The following PTPRD variants were observed in gnomAD, a reference collection of about 807,000 sequenced individuals.
PTPRD encodes receptor-type tyrosine-protein phosphatase delta.
PTPRD carries 34 observed loss-of-function variants against 214.5 expected under a neutral mutation model. The ratio of observed to expected loss-of-function variants is 0.16; its 90% confidence interval spans 0.12 to 0.21. The LOEUF (loss-of-function observed/expected upper bound fraction) is 0.21. Ranked by LOEUF, PTPRD falls within the 10% of genes least tolerant of loss-of-function variation. The pLI is 1.00. For missense variants in PTPRD, 2,545 were observed against 2,398.7 expected (o/e 1.06, Z -1.27); for synonymous variants, 1,128 against 845.7 (o/e 1.33, Z -5.79).
At chr9:8,716,981 C>T (rs543754549) in intron 12 of PTPRD, among the ~76,000 whole-genome samples, 4 of 152,210 alleles carry the variant, frequency 2.6e-5, no homozygotes, top group East Asian at 3.9e-4. Flanking sequence ...GCCTAGACAA[C>T]GTGGCAAAAC....
intron 5 of PTPRD, among the ~76,000 whole-genome samples, chr9:9,865,125 G>T (rs1263580560): frequency 6.6e-6 from 1 of 152,044 alleles, no homozygotes; most frequent in Admixed American, 6.6e-5. Flanking sequence ...AATGATATTT[G>T]TAAAAGTTTA....
chr9:9,182,975 T>C (rs1162955082), intron 10 of PTPRD, among the ~76,000 whole-genome samples: 1 of 151,974 alleles, frequency 6.6e-6, no homozygotes. Flanking sequence ...AACATTTAAA[T>C]CTATAAGCAT....
At chr9:10,128,950 C>G (rs566758387) in intron 3 of PTPRD, among the ~76,000 whole-genome samples, 11 of 152,226 alleles carry the variant, frequency 7.2e-5, no homozygotes, top group Admixed American at 1.3e-4. Flanking sequence ...TGGCTACTAT[C>G]ATCAACATAA....
intron 11 of PTPRD, among the ~76,000 whole-genome samples, chr9:8,815,454 G>A (rs761707950): frequency 1.1e-4 from 16 of 152,162 alleles, no homozygotes; most frequent in Non-Finnish European, 1.6e-4. Flanking sequence ...CAACTCAGAT[G>A]AAAGGATTCA....
At chr9:8,335,076 G>C (rs993923271) in intron 43 of PTPRD, among the ~76,000 whole-genome samples, 1 of 152,114 alleles carries the variant, frequency 6.6e-6, no homozygotes, top group Admixed American at 6.6e-5. Context: ...GGTACAAAGA[G>C]GAGTTGGTAC....
intron 11 of PTPRD, among the ~76,000 whole-genome samples, chr9:8,924,465 A>G (rs1567029220): frequency 1.3e-5 from 2 of 152,126 alleles, no homozygotes. Context: ...ATGTTGCATC[A>G]ATTTGCGGAA....
At chr9:8,996,474 A>G (rs969082061) in intron 11 of PTPRD, among the ~76,000 whole-genome samples, 7 of 152,072 alleles carry the variant, frequency 4.6e-5, no homozygotes, top group Admixed American at 2.0e-4. Flanking sequence ...GAGGTGGAGA[A>G]AGGCATTGAC....
At chr9:8,473,862 G>A (rs933050750) in intron 30 of PTPRD, among the ~76,000 whole-genome samples, 4 of 152,194 alleles carry the variant, frequency 2.6e-5, no homozygotes, top group African/African-American at 9.7e-5. Flanking sequence ...TCAAAGTGAA[G>A]CTTGCTTCAA....
At chr9:9,965,370 A>C (rs2094612905) in intron 4 of PTPRD, among the ~76,000 whole-genome samples, 1 of 152,124 alleles carries the variant, frequency 6.6e-6, no homozygotes, top group African/African-American at 2.4e-5. Context: ...AAAACGGAGG[A>C]GACTGGTGAG....
chr9:9,945,096 C>A (rs965393541), intron 4 of PTPRD, among the ~76,000 whole-genome samples: 4 of 152,034 alleles, frequency 2.6e-5, no homozygotes, highest in African/African-American at 4.8e-5. Context: ...TAAAGTATAA[C>A]TGTATAGTTT....
At chr9:9,122,467 A>G (rs10121415) in intron 10 of PTPRD, among the ~76,000 whole-genome samples, 6,675 of 152,282 alleles carry the variant, frequency 0.044, 300 homozygotes, top group African/African-American at 0.11. Context: ...TAAATCTGAA[A>G]ACCATCAGAA....
At chr9:9,884,091 G>A (rs571595915) in intron 5 of PTPRD, among the ~76,000 whole-genome samples, 24 of 152,078 alleles carry the variant, frequency 1.6e-4, no homozygotes, top group Non-Finnish European at 2.4e-4. Flanking sequence ...TAAAGGATAC[G>A]CAGTAAACAC....
At chr9:8,372,801 C>T (rs1233578111) in intron 39 of PTPRD, among the ~76,000 whole-genome samples, 5 of 151,824 alleles carry the variant, frequency 3.3e-5, no homozygotes, top group Admixed American at 1.3e-4. Context: ...TTGTCTTAGT[C>T]CAATTACAGC....
intron 2 of PTPRD, among the ~76,000 whole-genome samples, chr9:10,441,102 C>T (rs2098755299): frequency 1.3e-5 from 2 of 151,650 alleles, no homozygotes; most frequent in Non-Finnish European, 3.0e-5. Context: ...TTTTGGCTTT[C>T]GCTTTCTATC....
intron 4 of PTPRD, among the ~76,000 whole-genome samples, chr9:9,998,036 T>C (rs2096189514): frequency 6.6e-6 from 1 of 150,912 alleles, no homozygotes; most frequent in South Asian, 2.1e-4. Context: ...ACCAACCACT[T>C]TTCTGCCCCA....
chr9:10,093,432 A>G (rs558667957), intron 3 of PTPRD, among the ~76,000 whole-genome samples: 32 of 151,516 alleles, frequency 2.1e-4, no homozygotes, highest in South Asian at 4.1e-4. Context: ...GCGATTCCTA[A>G]AAAGTCCAAA....
chr9:8,716,653 C>G (rs979683300), intron 12 of PTPRD, among the ~76,000 whole-genome samples: 7 of 131,182 alleles, frequency 5.3e-5, no homozygotes, highest in African/African-American at 2.7e-4. Flanking sequence ...CACATATAAA[C>G]CTAGACTTTA....
chr9:9,990,064 C>CTT (rs1309209122), intron 4 of PTPRD, among the ~76,000 whole-genome samples: 3 of 152,194 alleles, frequency 2.0e-5, no homozygotes, highest in African/African-American at 7.2e-5. Flanking sequence ...TGTCCTCGGA[C>CTT]TTTCCTCTGA....
Position 10,119,861 on chromosome 9 carries a change from G to C in PTPRD, c.-544-86071C>G, listed in dbSNP as rs890967481. 4.6e-5 allele frequency among the ~76,000 whole-genome samples: 7 copies of C among 151,936 alleles called. No individual in the cohort carries two copies. The East Asian group carries it at 1.2e-3, about 25-fold the overall frequency. On this transcript the variant is annotated intron_variant, in intron 3 of 45. Coordinates refer to ENST00000381196, the MANE Select transcript of PTPRD (RefSeq NM_002839.4). ...TAATGAGAGGTACAGAGACCTATTT[G>C]AATCAGAAAACGTAGGAGGGCATGC...
Sources: gnomAD v4.1 joint callset for allele counts (sites outside exome capture counted in the v4.1 genomes callset) on GRCh38, gnomAD v4.1.1 for gene constraint, MANE v1.5 for transcripts, NCBI Gene and HGNC (gene_info 2026-07-23, HGNC 2026-07-21) for gene names.